Variants in FHIP2A observed in about 807,000 individuals in gnomAD.
FHIP2A encodes FHF complex subunit HOOK interacting protein 2A.
Under a neutral mutation model 93.5 loss-of-function variants are expected in FHIP2A, and 46 were observed. That is an observed-to-expected ratio of 0.49 (90% CI 0.39 to 0.63). The LOEUF is 0.63. Among genes scored for constraint, FHIP2A ranks in the 20% least tolerant of loss-of-function variants. The pLI, the probability that FHIP2A is intolerant of heterozygous loss-of-function variation, is 0.00. For missense variants in FHIP2A, 769 were observed against 909.7 expected (o/e 0.85, Z 1.99); for synonymous variants, 332 against 326.5 (o/e 1.02, Z -0.18).
intron 13 of FHIP2A, 136 bp from the exon 14 acceptor site, chr10:114,855,061 C>T (rs1199002459): frequency 2.5e-6 from 2 of 811,704 alleles, no homozygotes; most frequent in Non-Finnish European, 3.8e-6. Flanking sequence ...TCTCTTCCCC[C>T]TCTCCCTTGG....
intron 1 of FHIP2A, among the ~76,000 whole-genome samples, chr10:114,830,616 T>C (rs1293712725): frequency 6.6e-6 from 1 of 152,154 alleles, no homozygotes; most frequent in Non-Finnish European, 1.5e-5. Context: ...AAAAAAAGCT[T>C]GATACTGTAG....
rs779177984 is a variant in FHIP2A, at chr10:114,848,728, T to C, written c.1794T>C (p.Ala598=). 18 of 1,609,702 alleles carry C rather than the reference T, an allele frequency of 1.1e-5. No homozygotes were observed. Among genetic ancestry groups the C allele is most frequent in the Non-Finnish European group, 1.4e-5 (16 of 1,176,716 alleles). ...GTGYDTYLRD[A]HRQFRDYCAI... is the part of the protein sequence containing the mutation. ...GATATGACACTTACCTCCGAGACGC[T>C]CATAGGCAGGTAGGTGAAGTCACTA... is the stretch of plus-strand genomic sequence containing the variant. The change falls in exon 13 of 17, where the codon GCT becomes GCC. Residue 598 remains alanine (A), a synonymous_variant. Coordinates refer to ENST00000369248, the MANE Select transcript of FHIP2A (RefSeq NM_020940.4).
chr10:114,853,883 C>G (rs115978594), intron 13 of FHIP2A, among the ~76,000 whole-genome samples: 3 of 151,922 alleles, frequency 2.0e-5, no homozygotes, highest in African/African-American at 7.3e-5. Context: ...CCACTGCACC[C>G]GACCATTTTC....
Position 114,862,493 on chromosome 10 carries a change from C to A in FHIP2A, c.*953C>A. ...AGCAATCAAAGTGCCAGTGGCTCCT[C>A]GATGTTTACATTTTTTTCTATTTTG... On this transcript the variant is annotated 3_prime_UTR_variant, in exon 17 of 17. Coordinates refer to ENST00000369248, the MANE Select transcript of FHIP2A (RefSeq NM_020940.4). The A allele has an allele frequency of 1.0e-6, 1 of 987,210 alleles. No individual in the cohort carries two copies. The highest frequency in any genetic ancestry group is 1.2e-6 in the Non-Finnish European group (1 of 829,992). The allele number at this position is 987,210 out of a possible 1,614,324, so 61.2% of individuals were successfully genotyped here. A position where few individuals can be genotyped will look rare whatever the true frequency, so the allele number is the denominator to read the frequency against.
intron 16 of FHIP2A, among the ~76,000 whole-genome samples, chr10:114,882,088 A>G (rs1310975702): frequency 6.6e-6 from 1 of 152,210 alleles, no homozygotes; most frequent in Admixed American, 6.5e-5. Flanking sequence ...CTGAATCAGC[A>G]CTGTGCCGCT....
At chr10:114,830,382 C>T (rs533345890) in intron 1 of FHIP2A, among the ~76,000 whole-genome samples, 29 of 150,772 alleles carry the variant, frequency 1.9e-4, no homozygotes, top group African/African-American at 6.9e-4. Context: ...AAGCGATTCT[C>T]CTGTCTCAGC....
At position 114,861,351 on chromosome 10, in the gene FHIP2A, C is replaced by T. The variant is rs764164389; in HGVS notation, c.2192+17C>T. 5 of 1,613,386 alleles carry T rather than the reference C, an allele frequency of 3.1e-6. No homozygotes were observed. The highest frequency in any genetic ancestry group is 4.2e-6 in the Non-Finnish European group (5 of 1,179,874). On this transcript the variant is annotated intron_variant, in intron 16 of 16. Transcript: ENST00000369248. ...AGGCCCTATGTAAGTTAGTGTTTTACATTTTTTTAATCCAAAAATTTCAGT... is the reference window on the plus strand; with the variant it reads ...AGGCCCTATGTAAGTTAGTGTTTTATATTTTTTTAATCCAAAAATTTCAGT...
chr10:114,858,362 A>C (rs1030199879), intron 14 of FHIP2A, among the ~76,000 whole-genome samples: 1 of 152,218 alleles, frequency 6.6e-6, no homozygotes, highest in East Asian at 1.9e-4. Flanking sequence ...TAAGCAACCT[A>C]TGACCTACAT....
intron 16 of FHIP2A, among the ~76,000 whole-genome samples, chr10:114,881,213 C>T (rs1054645369): frequency 6.6e-6 from 1 of 152,148 alleles, no homozygotes; most frequent in African/African-American, 2.4e-5. Context: ...TAGCTGGGTC[C>T]CCTGTTTTAT....
At chr10:114,888,796 T>C (rs1026367018) in intron 16 of FHIP2A, among the ~76,000 whole-genome samples, 1 of 152,030 alleles carries the variant, frequency 6.6e-6, no homozygotes, top group Non-Finnish European at 1.5e-5. Flanking sequence ...AGAGATGGGG[T>C]TTCACTATGT....
downstream of FHIP2A, among the ~76,000 whole-genome samples, chr10:114,866,325 C>T (rs943293366): frequency 6.6e-6 from 1 of 152,132 alleles, no homozygotes; most frequent in Admixed American, 6.5e-5. Context: ...CATAGTATTC[C>T]ACGGTGTATA....
chr10:114,883,317 A>G (rs2083926056), intron 16 of FHIP2A, among the ~76,000 whole-genome samples: 1 of 152,102 alleles, frequency 6.6e-6, no homozygotes, highest in Non-Finnish European at 1.5e-5. Flanking sequence ...GGCTTTGGAC[A>G]TCAGTTCTCC....
chr10:114,828,180 A>C (rs552773450), intron 1 of FHIP2A, among the ~76,000 whole-genome samples: 32 of 152,334 alleles, frequency 2.1e-4, no homozygotes, highest in South Asian at 6.2e-4. Context: ...GAACTGTTTA[A>C]CTCTCTAGTT....
At chr10:114,868,767 C>T (rs1379470426), downstream of FHIP2A, among the ~76,000 whole-genome samples, 2 of 152,064 alleles carry the variant, frequency 1.3e-5, no homozygotes, top group Non-Finnish European at 2.9e-5. Context: ...CATAATGGTA[C>T]CCATGTTGTG....
chr10:114,867,562 C>G (rs811215), downstream of FHIP2A, among the ~76,000 whole-genome samples: 32 of 152,280 alleles, frequency 2.1e-4, no homozygotes, highest in East Asian at 1.5e-3. Context: ...TTACTTTTAA[C>G]TCAGTACTCT....
At chr10:114,870,269 T>C (rs2083850657) in intron 16 of FHIP2A, among the ~76,000 whole-genome samples, 1 of 152,222 alleles carries the variant, frequency 6.6e-6, no homozygotes, top group Non-Finnish European at 1.5e-5. Context: ...GCTGAGTTTT[T>C]CTGCTGATTC....
rs1216773850 is a variant in FHIP2A at position 114,846,577 on chromosome 10, C to A, written c.1417C>A (p.Arg473=). 22 of 1,599,734 alleles carry A rather than the reference C, an allele frequency of 1.4e-5. No homozygotes were observed. The highest frequency in any genetic ancestry group is 1.9e-5 in the Non-Finnish European group (22 of 1,176,060). ...GTTTCAGATAAGCATAATGACATTA[C>A]GAATGTTTGAACATCTTTTACAAAA... is the stretch of plus-strand genomic sequence containing the variant. ...ISDEISIMTL[R]MFEHLLQKPN... Residue 473 remains arginine (R), a synonymous_variant, in exon 11 of 17, where the codon CGA becomes AGA. Transcript: ENST00000369248.
At chr10:114,885,818 G>C (rs1320318623) in intron 16 of FHIP2A, among the ~76,000 whole-genome samples, 5 of 152,216 alleles carry the variant, frequency 3.3e-5, no homozygotes, top group African/African-American at 1.2e-4. Flanking sequence ...GCTAGGACCT[G>C]AGTAGAACCT....
Position 114,836,004 on chromosome 10 carries a change from A to G in FHIP2A, c.400-120A>G, listed in dbSNP as rs1183529521. On this transcript the variant is annotated intron_variant, in intron 4 of 16. Coordinates refer to ENST00000369248, the MANE Select transcript of FHIP2A (RefSeq NM_020940.4). ...TATAAATATCATTAGTGTTCTGATT[A>G]ATGCAGGATATTTGCATTATATGAA... The G allele has an allele frequency of 3.5e-5, 23 of 660,802 alleles. No individual in the cohort carries two copies. In the Admixed American group the frequency reaches 5.9e-4, roughly 17 times the overall value. The allele number at this position is 660,802 out of a possible 1,614,324, so 40.9% of individuals were successfully genotyped here.
Sources: gnomAD v4.1 joint callset for allele counts (sites outside exome capture counted in the v4.1 genomes callset) on GRCh38, gnomAD v4.1.1 for gene constraint, MANE v1.5 for transcripts, NCBI Gene and HGNC (gene_info 2026-07-23, HGNC 2026-07-21) for gene names.